PCDHGA5: variants seen among roughly 807,000 people sequenced by gnomAD.
PCDHGA5 encodes the protein protocadherin gamma-A5.
In PCDHGA5, 36 loss-of-function variants were observed where a neutral mutation model predicts 56.7. That is an observed-to-expected ratio of 0.64 (90% CI 0.49 to 0.84). The LOEUF is 0.84. Among genes scored for constraint, PCDHGA5 ranks in the 40% least tolerant of loss-of-function variants. PCDHGA5 has a pLI of 0.00. For missense variants in PCDHGA5, 1,305 were observed against 1,201.5 expected, an observed-to-expected ratio of 1.09 and a Z score of -1.27; for synonymous variants, 563 against 520.2, an observed-to-expected ratio of 1.08 and a Z score of -1.12.
At chr5:141,405,556 C>G in intron 1 of PCDHGA5, 1 of 619,826 alleles carries the variant, frequency 1.6e-6, no homozygotes, top group African/African-American at 1.8e-5. Flanking sequence ...AGTAGAGTAG[C>G]TGGGACTAGA....
chr5:141,414,486 AACGG>A, intron 1 of PCDHGA5: 1 of 1,613,938 alleles, frequency 6.2e-7, no homozygotes, highest in Non-Finnish European at 8.5e-7. Flanking sequence ...CTCCTCTATC[AACGG>A]AAGCTCACTT....
At chr5:141,389,440 A>C (rs769871337) in intron 1 of PCDHGA5, 3 of 1,610,596 alleles carry the variant, frequency 1.9e-6, no homozygotes, top group Non-Finnish European at 2.5e-6. Context: ...CGCGCCTTCG[A>C]CCACGAGCAG....
At chr5:141,409,752 A>T in intron 1 of PCDHGA5, 3 of 1,613,020 alleles carry the variant, frequency 1.9e-6, no homozygotes, top group Non-Finnish European at 2.5e-6. Context: ...GTGTTCGCGC[A>T]GCGCGCCTTT....
At chr5:141,448,139 C>A (rs1486636157) in intron 1 of PCDHGA5, among the ~76,000 whole-genome samples, 1 of 151,884 alleles carries the variant, frequency 6.6e-6, no homozygotes, top group African/African-American at 2.4e-5. Context: ...CCTCACTATA[C>A]CTCAGACTCA....
chr5:141,399,677 A>G, intron 1 of PCDHGA5: 1 of 1,613,540 alleles, frequency 6.2e-7, no homozygotes, highest in Non-Finnish European at 8.5e-7. Flanking sequence ...CGCGCCTTTG[A>G]CTACGAGCAG....
In PCDHGA5 at chr5:141,419,475, C is replaced by T. The variant is rs775720158; in HGVS notation, c.2421+52724C>T. On this transcript the variant is annotated intron_variant, in intron 1 of 3. Coordinates refer to ENST00000518069, the MANE Select transcript of PCDHGA5 (RefSeq NM_018918.3). Reference sequence around the variant, plus strand: ...ACGCTGCAGGCCCGCGACCAGGGCTCGCCCGCGCTCAGCGCCAATGTGAGC... The same window carrying T: ...ACGCTGCAGGCCCGCGACCAGGGCTTGCCCGCGCTCAGCGCCAATGTGAGC... The T allele has an allele frequency of 4.6e-5, 74 of 1,612,266 alleles. No homozygotes were observed. The highest frequency in any genetic ancestry group is 5.9e-5 in the Non-Finnish European group (70 of 1,179,514).
rs751918675 is a variant in PCDHGA5 at position 141,376,240 on chromosome 5, G to A, written c.2421+9489G>A. ...TGCTGGCGCTCAGACTGCAGCGCTG[G>A]CACAAGTCACGCCTGCTGCAGGCTT... On this transcript the variant is annotated intron_variant, in intron 1 of 3. Transcript: ENST00000518069. The A allele has an allele frequency of 1.9e-6, 3 of 1,614,202 alleles. No individual in the cohort carries two copies. In the South Asian group the frequency reaches 3.3e-5, roughly 18 times the overall value.
At chr5:141,410,619 C>T (rs757187051) in intron 1 of PCDHGA5, 8 of 1,603,614 alleles carry the variant, frequency 5.0e-6, no homozygotes, top group Admixed American at 3.3e-5. Flanking sequence ...ACTCTGACTT[C>T]GGTGAGTTTC....
At chr5:141,473,635 C>A (rs945632106) in intron 1 of PCDHGA5, among the ~76,000 whole-genome samples, 1 of 152,128 alleles carries the variant, frequency 6.6e-6, no homozygotes, top group African/African-American at 2.4e-5. Flanking sequence ...AGCAGCTTTC[C>A]TGGCAAAGGA....
rs1331087585 is a variant in PCDHGA5 at position 141,365,757 on chromosome 5, C to G, written c.1427C>G (p.Ala476Gly). 6 of 1,613,830 alleles carry G rather than the reference C, an allele frequency of 3.7e-6. No individual in the cohort carries two copies. The South Asian group carries it at 6.6e-5, about 18-fold the overall frequency. Residue 476 changes from alanine (A) to glycine (G), a missense_variant, in exon 1 of 4, where the codon GCC becomes GGC. By Grantham distance (60) the Ala-to-Gly change is moderately conservative. Transcript: ENST00000518069. ...GGTGTCTCTATCTTCTCTGTGACAG[C>G]CCATGACCCCGACAGCGGCGACAAC... ...PRGVSIFSVT[A>G]HDPDSGDNAR... is the part of the protein sequence containing the mutation.
chr5:141,449,622 T>A (rs889336036), intron 1 of PCDHGA5, among the ~76,000 whole-genome samples: 1 of 150,910 alleles, frequency 6.6e-6, no homozygotes, highest in African/African-American at 2.4e-5. Context: ...AAAAGTTTTT[T>A]AAAAAGATGT....
At chr5:141,391,398 A>G (rs924962931) in intron 1 of PCDHGA5, 11 of 151,014 alleles carry the variant, frequency 7.3e-5, no homozygotes, top group Middle Eastern at 3.4e-3. Flanking sequence ...CTCCAGCCTC[A>G]AACTCCTGGG....
chr5:141,377,417 G>A (rs1773959916), intron 1 of PCDHGA5: 1 of 152,028 alleles, frequency 6.6e-6, no homozygotes, highest in Non-Finnish European at 1.5e-5. Context: ...ACCAGCCTGG[G>A]TGACTCTGTC....
At chr5:141,409,576 G>C (rs1238671221) in intron 1 of PCDHGA5, 52 of 1,613,806 alleles carry the variant, frequency 3.2e-5, no homozygotes, top group Non-Finnish European at 4.2e-5. Flanking sequence ...CGTCCTACGT[G>C]GTCCACGTGG....
chr5:141,370,451 C>A, intron 1 of PCDHGA5: 1 of 1,611,138 alleles, frequency 6.2e-7, no homozygotes, highest in Non-Finnish European at 8.5e-7. Flanking sequence ...TGCTATTTCT[C>A]TTCCTGCTCT....
At chr5:141,422,168 G>T in intron 1 of PCDHGA5, 2 of 1,563,582 alleles carry the variant, frequency 1.3e-6, no homozygotes, top group Non-Finnish European at 1.7e-6. Context: ...GAAAAATATA[G>T]ATTCTATGAG....
intron 1 of PCDHGA5, among the ~76,000 whole-genome samples, chr5:141,482,458 C>G (rs986628162): frequency 1.4e-5 from 2 of 147,624 alleles, no homozygotes; most frequent in African/African-American, 2.6e-5. Flanking sequence ...ATTAGCATCC[C>G]TATGTGCCAG....
chr5:141,367,409 C>G (rs923534694), intron 1 of PCDHGA5: 1 of 152,094 alleles, frequency 6.6e-6, no homozygotes, highest in Non-Finnish European at 1.5e-5. Flanking sequence ...TGGTGGCAGG[C>G]GCCTGTAGTC....
At chr5:141,382,998 C>G in intron 1 of PCDHGA5, 2 of 1,613,740 alleles carry the variant, frequency 1.2e-6, no homozygotes, top group Non-Finnish European at 1.7e-6. Context: ...GTATTCTCTA[C>G]TCCGTGTCGG....
Sources: allele counts gnomAD v4.1 joint callset (sites outside exome capture counted in the v4.1 genomes callset), GRCh38; gene constraint gnomAD v4.1.1; transcripts MANE v1.5; gene names NCBI Gene and HGNC (gene_info 2026-07-23, HGNC 2026-07-21).